CASZ1: variants seen among roughly 807,000 people sequenced by gnomAD.
CASZ1 encodes the protein zinc finger protein castor homolog 1.
A neutral mutation model predicts 135.2 loss-of-function variants in CASZ1; 28 were observed. That is an observed-to-expected ratio of 0.21 (90% CI 0.15 to 0.28). The LOEUF (loss-of-function observed/expected upper bound fraction) is 0.28, where lower values mean the gene tolerates loss of function less well. Among genes scored for constraint, CASZ1 ranks in the 10% least tolerant of loss-of-function variants. CASZ1 has a pLI of 1.00. For missense variants in CASZ1, 2,161 were observed against 2,453.3 expected (o/e 0.88, Z 2.52); for synonymous variants, 1,068 against 1,073.4 (o/e 0.99, Z 0.10).
Position 10,781,733 on chromosome 1 carries a change from C to T in CASZ1, c.-234+14831G>A, listed in dbSNP as rs190356627. Among the ~76,000 whole-genome samples, 23 of 152,296 alleles carry T rather than the reference C, an allele frequency of 1.5e-4. No homozygotes were observed. In the East Asian group the frequency reaches 2.5e-3, roughly 17 times the overall value. On this transcript the variant is annotated intron_variant, in intron 1 of 20. Transcript: ENST00000377022. ...GGAGTAGAGACAGTACTAGTAGCAA[C>T]GATAGCTACCCCTCATCACCATGTG...
In CASZ1 at chr1:10,767,213, A is replaced by G. The variant is rs1640493025; in HGVS notation, c.-233-6356T>C. On this transcript the variant is annotated intron_variant, in intron 1 of 20. Transcript: ENST00000377022. This position sits in a 1 kb window ranked among gnomAD's most constrained non-coding sequence, Gnocchi z 4.2. ...TGGGGCCCGGTCGTCCACATTCCTCATGAGTTCCTGCCCCAGTCCTGGCCC... is the reference window on the plus strand; with the variant it reads ...TGGGGCCCGGTCGTCCACATTCCTCGTGAGTTCCTGCCCCAGTCCTGGCCC... Among the ~76,000 whole-genome samples the G allele has an allele frequency of 6.6e-6, 1 of 152,204 alleles. No individual in the cohort carries two copies. Among genetic ancestry groups the G allele is most frequent in the East Asian group, 1.9e-4 (1 of 5,196 alleles).
At position 10,679,506 on chromosome 1, in the gene CASZ1, GC is replaced by G; in HGVS notation, c.17-13936del. Among the ~76,000 whole-genome samples, 1 of 152,222 alleles carries G rather than the reference GC, an allele frequency of 6.6e-6. No homozygotes were observed. The highest frequency in any genetic ancestry group is 1.9e-4 in the East Asian group (1 of 5,170). ...GATGGTGCTACCAAGCAATGTAGCA[GC>G]CCCCACATACTCTGGCATTCTCCTA... On this transcript the variant is annotated intron_variant, in intron 4 of 20. Coordinates refer to ENST00000377022, the MANE Select transcript of CASZ1 (RefSeq NM_001079843.3). This position sits in a 1 kb window ranked among gnomAD's most constrained non-coding sequence, Gnocchi z 4.7.
chr1:10,652,805 C>T (rs1642637341), intron 11 of CASZ1: 1 of 153,046 alleles, frequency 6.5e-6, no homozygotes, highest in South Asian at 2.0e-4. Flanking sequence ...CCAACAGTCA[C>T]ACGTGGCCAG....
rs559126611 is a variant in CASZ1 at position 10,794,827 on chromosome 1, A to G, written c.-234+1737T>C. On this transcript the variant is annotated intron_variant, in intron 1 of 20. Transcript: ENST00000377022. This position sits in a 1 kb window ranked among gnomAD's most constrained non-coding sequence, Gnocchi z 5.6. ...CATACACCTGTTCCCTTCGCGGAGG[A>G]GCTTCCAGCGCCGGGGACAGACATT... 4.6e-5 allele frequency among the ~76,000 whole-genome samples: 7 copies of G among 152,018 alleles called. No homozygotes were observed. The highest frequency in any genetic ancestry group is 1.7e-4 in the African/African-American group (7 of 41,522).
At chr1:10,731,464 G>T (rs976967609) in intron 2 of CASZ1, among the ~76,000 whole-genome samples, 5 of 150,924 alleles carry the variant, frequency 3.3e-5, no homozygotes, top group Non-Finnish European at 1.5e-5. Context: ...ATGCGCCTGT[G>T]CTCCCAGCTA....
intron 4 of CASZ1, among the ~76,000 whole-genome samples, chr1:10,690,217 G>A (rs1320013955): frequency 6.6e-6 from 1 of 152,232 alleles, no homozygotes; most frequent in Non-Finnish European, 1.5e-5. Flanking sequence ...TGTAACCAGA[G>A]CTAGTGAGGT....
intron 4 of CASZ1, among the ~76,000 whole-genome samples, chr1:10,670,433 CG>C (rs773382490): frequency 8.5e-5 from 13 of 152,226 alleles, no homozygotes; most frequent in Non-Finnish European, 1.8e-4. Flanking sequence ...GAGTCAGGGG[CG>C]GGCGGCTGCC....
Position 10,647,278 on chromosome 1 carries a change from C to T in CASZ1, c.3497+523G>A, listed in dbSNP as rs762486982. The T allele has an allele frequency of 1.6e-5, 16 of 998,920 alleles. No homozygotes were observed. Among genetic ancestry groups the T allele is most frequent in the Middle Eastern group, 5.1e-4 (1 of 1,942 alleles). The allele number at this position is 998,920 out of a possible 1,614,324, so 61.9% of individuals were successfully genotyped here. A position where few individuals can be genotyped will look rare whatever the true frequency, so the allele number is the denominator to read the frequency against. On this transcript the variant is annotated intron_variant, in intron 16 of 20. Coordinates refer to ENST00000377022, the MANE Select transcript of CASZ1 (RefSeq NM_001079843.3). This position sits in a 1 kb window ranked among gnomAD's most constrained non-coding sequence, Gnocchi z 4.9. ...CGCACACATGACAATACAAAGTCACCGTTCTCCCTGCAAGGAGCCACCACC... is the reference window on the plus strand; with the variant it reads ...CGCACACATGACAATACAAAGTCACTGTTCTCCCTGCAAGGAGCCACCACC...
chr1:10,648,888 C>A, intron 15 of CASZ1, 182 bp downstream of exon 15: 1 of 794,308 alleles, frequency 1.3e-6, no homozygotes, highest in Non-Finnish European at 1.9e-6. Flanking sequence ...GAGCCCCCGG[C>A]TGAGGGCTGC....
Position 10,657,624 on chromosome 1 carries a change from A to AG in CASZ1, c.1409+883dup, listed in dbSNP as rs939279769. On this transcript the variant is annotated intron_variant, in intron 7 of 20. Transcript: ENST00000377022. This position sits in a 1 kb window ranked among gnomAD's most constrained non-coding sequence, Gnocchi z 5.7. ...GGCAGAGCTGAAGACAGAGTGGGAC[A>AG]GGGGGGCGGAGACAGTGGGATGGGG... Among the ~76,000 whole-genome samples, 16 of 151,714 alleles carry AG rather than the reference A, an allele frequency of 1.1e-4. No individual in the cohort carries two copies. The highest frequency in any genetic ancestry group is 2.4e-4 in the Non-Finnish European group (16 of 67,906).
In CASZ1 at chr1:10,788,538, G is replaced by A. The variant is rs1341399048; in HGVS notation, c.-234+8026C>T. Among the ~76,000 whole-genome samples, 2 of 152,150 alleles carry A rather than the reference G, an allele frequency of 1.3e-5. No homozygotes were observed. Among genetic ancestry groups the A allele is most frequent in the East Asian group, 3.8e-4 (2 of 5,198 alleles). On this transcript the variant is annotated intron_variant, in intron 1 of 20. Coordinates refer to ENST00000377022, the MANE Select transcript of CASZ1 (RefSeq NM_001079843.3). This position sits in a 1 kb window ranked among gnomAD's most constrained non-coding sequence, Gnocchi z 4.1. ...TTTTTTATTAAGAGGATTCTCAAAG[G>A]GGGCACATGGATTCAAAAGAAGGGA...
chr1:10,789,369 C>T lies in CASZ1; in HGVS notation c.-234+7195G>A, dbSNP rs568521864. Among the ~76,000 whole-genome samples, 1,079 of 150,814 alleles carry T rather than the reference C, an allele frequency of 7.2e-3. 17 individuals carry two copies. Among genetic ancestry groups the T allele is most frequent in the African/African-American group, 0.024 (995 of 41,074 alleles). On this transcript the variant is annotated intron_variant, in intron 1 of 20. Transcript: ENST00000377022. ...CCCCAGGGCCTCTGCCTGCCCCCCG[C>T]ACCCCCTCCTCTGCTGGCTCTTTTC... is the stretch of plus-strand genomic sequence containing the variant.
At chr1:10,660,564 C>T (rs780274360) in intron 5 of CASZ1, 28 bp from the exon 6 acceptor site, 12 of 1,588,920 alleles carry the variant, frequency 7.6e-6, no homozygotes, top group Admixed American at 6.9e-5. Flanking sequence ...GGCGCATCAC[C>T]TCTGGGAGGG....
In CASZ1 at chr1:10,657,150, C is replaced by T. The variant is rs1642827538; in HGVS notation, c.1410-414G>A. 6.6e-6 allele frequency among the ~76,000 whole-genome samples: 1 copy of T among 152,250 alleles called. No individual in the cohort carries two copies. The highest frequency in any genetic ancestry group is 2.4e-5 in the African/African-American group (1 of 41,466). Reference sequence around the variant, plus strand: ...TCTGATGCTGAGAGGTGTTAAAGGGCTCTCTCTGTCCTGGGCTTTTCCTGA... The same window carrying T: ...TCTGATGCTGAGAGGTGTTAAAGGGTTCTCTCTGTCCTGGGCTTTTCCTGA... On this transcript the variant is annotated intron_variant, in intron 7 of 20. Coordinates refer to ENST00000377022, the MANE Select transcript of CASZ1 (RefSeq NM_001079843.3). The surrounding 1 kb of genome is among the most constrained non-coding windows in gnomAD (Gnocchi z 5.7).
rs1188705088 is a variant in CASZ1 at position 10,679,576 on chromosome 1, C to T, written c.17-14005G>A. 5.3e-5 allele frequency among the ~76,000 whole-genome samples: 8 copies of T among 152,200 alleles called. No homozygotes were observed. Among genetic ancestry groups the T allele is most frequent in the Admixed American group, 6.5e-5 (1 of 15,286 alleles). ...TCCTCCCCATACCATAGTCCTGGTT[C>T]CCAGCCTGCAACAGCTGCACCTCCA... On this transcript the variant is annotated intron_variant, in intron 4 of 20. Transcript: ENST00000377022. The surrounding 1 kb of genome is among the most constrained non-coding windows in gnomAD (Gnocchi z 4.7).
rs746132314 is a variant in CASZ1 at position 10,649,245 on chromosome 1, G to C, written c.3035+38C>G. ...GAGCCTGGGGCTCCAGGGCGGGTGCGGGGGGACGATGGGTGGACGCGGCCA... is the reference window on the plus strand; with the variant it reads ...GAGCCTGGGGCTCCAGGGCGGGTGCCGGGGGACGATGGGTGGACGCGGCCA... On this transcript the variant is annotated intron_variant, in intron 14 of 20. Coordinates refer to ENST00000377022, the MANE Select transcript of CASZ1 (RefSeq NM_001079843.3). 3.1e-6 allele frequency: 5 copies of C among 1,606,432 alleles called. No homozygotes were observed. In the South Asian group the frequency reaches 3.3e-5, roughly 11 times the overall value.
chr1:10,768,659 C>G (rs1053019422), intron 1 of CASZ1, among the ~76,000 whole-genome samples: 4 of 152,182 alleles, frequency 2.6e-5, no homozygotes, highest in African/African-American at 9.7e-5. Flanking sequence ...AGCCAGAGCC[C>G]ACTGTGGGGG....
intron 4 of CASZ1, among the ~76,000 whole-genome samples, chr1:10,693,000 C>T (rs966025753): frequency 6.6e-6 from 1 of 152,146 alleles, no homozygotes; most frequent in Non-Finnish European, 1.5e-5. Context: ...ATAGCCAGGG[C>T]CCATGGGAAG....
chr1:10,793,899 G>T (rs1214986633), intron 1 of CASZ1, among the ~76,000 whole-genome samples: 1 of 152,184 alleles, frequency 6.6e-6, no homozygotes, highest in Non-Finnish European at 1.5e-5. Flanking sequence ...GGGGTCGGGG[G>T]AGTGGCGCGG....
Sources: gnomAD v4.1 joint callset for allele counts (sites outside exome capture counted in the v4.1 genomes callset) on GRCh38, gnomAD v4.1.1 for gene constraint, Gnocchi (gnomAD v3.1) non-coding constraint, MANE v1.5 for transcripts, NCBI Gene and HGNC (gene_info 2026-07-23, HGNC 2026-07-21) for gene names.